The following PCLO variants were observed in gnomAD, a reference collection of about 807,000 sequenced individuals.
PCLO encodes the protein protein piccolo.
In PCLO, 82 loss-of-function variants were observed where a neutral mutation model predicts 427.5. That is an observed-to-expected ratio of 0.19 (90% CI 0.16 to 0.23). The LOEUF (loss-of-function observed/expected upper bound fraction) is 0.23, where lower values mean the gene tolerates loss of function less well. PCLO is among the 10% of genes least tolerant of loss of function. The pLI, the probability that PCLO is intolerant of heterozygous loss-of-function variation, is 1.00. For missense variants in PCLO, 6,239 were observed against 6,115.9 expected, an observed-to-expected ratio of 1.02 and a Z score of -0.67; for synonymous variants, 2,357 against 2,155.4, an observed-to-expected ratio of 1.09 and a Z score of -2.59.
intron 10 of PCLO, 150 bp from the exon 11 acceptor site, chr7:82,847,397 C>G (rs1250487561): frequency 3.5e-6 from 2 of 575,946 alleles, no homozygotes; most frequent in African/African-American, 3.8e-5. Context: ...ACATTAATAC[C>G]AAAACCATTA....
chr7:82,964,405 A>G (rs150988926), intron 4 of PCLO, among the ~76,000 whole-genome samples: 6 of 152,248 alleles, frequency 3.9e-5, no homozygotes, highest in Non-Finnish European at 8.8e-5. Flanking sequence ...AGAACTACTG[A>G]CTAGGTACTT....
intron 9 of PCLO, among the ~76,000 whole-genome samples, chr7:82,901,778 C>T (rs1308041301): frequency 1.3e-5 from 2 of 152,128 alleles, no homozygotes; most frequent in South Asian, 2.1e-4. Context: ...TATGAACAGA[C>T]ACTTCTCAAA....
At chr7:82,866,013 T>A (rs1793083493) in intron 10 of PCLO, among the ~76,000 whole-genome samples, 1 of 152,182 alleles carries the variant, frequency 6.6e-6, no homozygotes, top group African/African-American at 2.4e-5. Context: ...TGACCCCTGC[T>A]ACTTTTGGTA....
intron 22 of PCLO, among the ~76,000 whole-genome samples, chr7:82,781,469 C>A (rs1424694602): frequency 6.7e-6 from 1 of 148,656 alleles, no homozygotes; most frequent in African/African-American, 2.5e-5. Flanking sequence ...CCCCAACAGG[C>A]CCTGATGTGT....
intron 10 of PCLO, among the ~76,000 whole-genome samples, chr7:82,855,692 C>A (rs1335013729): frequency 1.3e-5 from 2 of 152,056 alleles, no homozygotes; most frequent in East Asian, 1.9e-4. Flanking sequence ...GATTGGGTCT[C>A]TTATCCCTTT....
At chr7:82,820,519 T>G (rs1297250042) in intron 20 of PCLO, 1 of 1,222,854 alleles carries the variant, frequency 8.2e-7, no homozygotes, top group Non-Finnish European at 1.0e-6. Flanking sequence ...ACACAGGCAC[T>G]TGGAGATTCA....
intron 8 of PCLO, among the ~76,000 whole-genome samples, chr7:82,904,542 A>G (rs1183145705): frequency 6.6e-6 from 1 of 152,002 alleles, no homozygotes; most frequent in Non-Finnish European, 1.5e-5. Flanking sequence ...TTTTATTTCA[A>G]TCTCTTCTAA....
At chr7:83,118,809 A>G (rs1791200044) in intron 3 of PCLO, among the ~76,000 whole-genome samples, 1 of 152,102 alleles carries the variant, frequency 6.6e-6, no homozygotes, top group African/African-American at 2.4e-5. Flanking sequence ...AAGTACTACA[A>G]GGACTGGTGG....
chr7:82,857,600 T>C (rs1194796007), intron 10 of PCLO, among the ~76,000 whole-genome samples: 2 of 152,082 alleles, frequency 1.3e-5, no homozygotes, highest in East Asian at 1.9e-4. Context: ...AAGGACAATA[T>C]AAATTTCATT....
chr7:83,150,830 C>A (rs1159552338), intron 2 of PCLO, among the ~76,000 whole-genome samples: 1 of 152,126 alleles, frequency 6.6e-6, no homozygotes, highest in Non-Finnish European at 1.5e-5. Flanking sequence ...AATAAATTCA[C>A]ATAATTGTAC....
chr7:83,155,196 T>G lies in PCLO; in HGVS notation c.1445A>C (p.Gln482Pro). 1 of 1,611,662 alleles carries G rather than the reference T, an allele frequency of 6.2e-7. No individual in the cohort carries two copies. Among genetic ancestry groups the G allele is most frequent in the Non-Finnish European group, 8.5e-7 (1 of 1,179,332 alleles). ...QLPGPAKPPP[Q>P]QPGPAKPPPQ... ...TGGGGGCTTTGCTGGGCCAGGCTGT[T>G]GAGGTGGGGGCTTTGCTGGGCCAGG... The change falls in exon 2 of 25, where the codon CAA (glutamine) becomes CCA (proline). Residue 482 changes from glutamine (Q) to proline (P), a missense_variant. By Grantham distance (76) the Gln-to-Pro change is moderately conservative. Coordinates refer to ENST00000333891, the MANE Select transcript of PCLO (RefSeq NM_033026.6).
intron 3 of PCLO, among the ~76,000 whole-genome samples, chr7:83,033,316 C>T (rs891479487): frequency 9.2e-5 from 14 of 152,088 alleles, no homozygotes; most frequent in African/African-American, 3.4e-4. Flanking sequence ...AGTTTACTTT[C>T]TTATCTAAAA....
At chr7:82,968,243 A>G (rs1440008920) in intron 3 of PCLO, among the ~76,000 whole-genome samples, 4 of 152,214 alleles carry the variant, frequency 2.6e-5, no homozygotes, top group African/African-American at 9.6e-5. Context: ...TGTGTATATA[A>G]TCACTCAATA....
At chr7:82,826,530 G>A (rs1460154863) in intron 18 of PCLO, 59 bp downstream of exon 18, 12 of 1,091,520 alleles carry the variant, frequency 1.1e-5, no homozygotes, top group Non-Finnish European at 1.5e-5. Flanking sequence ...GCTTTGCATC[G>A]TGCTTTAATT....
chr7:83,028,373 T>A (rs1583927250), intron 3 of PCLO, among the ~76,000 whole-genome samples: 2 of 149,118 alleles, frequency 1.3e-5, no homozygotes, highest in South Asian at 4.4e-4. Flanking sequence ...TCAAGGAGAA[T>A]AAAATACCTA....
chr7:83,138,310 C>A (rs970573156), intron 2 of PCLO, among the ~76,000 whole-genome samples: 3 of 152,124 alleles, frequency 2.0e-5, no homozygotes, highest in South Asian at 2.1e-4. Flanking sequence ...ATAAAAAATT[C>A]TTTTATGCAA....
intron 10 of PCLO, among the ~76,000 whole-genome samples, chr7:82,874,174 T>G (rs1793311162): frequency 6.7e-6 from 1 of 150,304 alleles, no homozygotes; most frequent in Admixed American, 6.7e-5. Flanking sequence ...AAACAAAGGT[T>G]TTTTTTTTTT....
intron 22 of PCLO, among the ~76,000 whole-genome samples, chr7:82,794,451 T>TTTTTTTCTG (rs1791175355): frequency 6.4e-5 from 3 of 47,062 alleles, no homozygotes; most frequent in African/African-American, 1.4e-4. Flanking sequence ...AGTTCATAAA[T>TTTTTTTCTG]TTTTTTTCTT....
At chr7:83,022,850 T>C (rs533663024) in intron 3 of PCLO, among the ~76,000 whole-genome samples, 3 of 152,282 alleles carry the variant, frequency 2.0e-5, no homozygotes, top group Non-Finnish European at 2.9e-5. Context: ...CCTGAATATA[T>C]AGGATAAAGT....
Sources: allele counts gnomAD v4.1 joint callset (sites outside exome capture counted in the v4.1 genomes callset), GRCh38; gene constraint gnomAD v4.1.1; transcripts MANE v1.5; gene names NCBI Gene and HGNC (gene_info 2026-07-23, HGNC 2026-07-21).